Variants in LINGO2 observed in about 807,000 individuals in gnomAD.
The protein encoded by LINGO2 is leucine rich repeat and Ig domain containing 2.
Under a neutral mutation model 30.6 loss-of-function variants are expected in LINGO2, and 14 were observed. The ratio of observed to expected loss-of-function variants is 0.46; its 90% confidence interval spans 0.30 to 0.72. LINGO2 has a LOEUF of 0.72. LINGO2 is among the 30% of genes least tolerant of loss of function. The pLI is 0.07. For missense variants in LINGO2, 729 were observed against 751.7 expected, an observed-to-expected ratio of 0.97 and a Z score of 0.35; for synonymous variants, 317 against 288.5, an observed-to-expected ratio of 1.10 and a Z score of -1.00.
intron 4 of LINGO2, among the ~76,000 whole-genome samples, chr9:28,110,670 T>C (rs1386848581): frequency 6.6e-6 from 1 of 152,018 alleles, no homozygotes; most frequent in East Asian, 1.9e-4. Context: ...GAAATGCAAA[T>C]CAAAAACACA....
chr9:28,676,533 GTTC>G, the LINGO2 span, among the ~76,000 whole-genome samples: 5 of 152,098 alleles, frequency 3.3e-5, no homozygotes, highest in Admixed American at 6.5e-5. Context: ...CATACAGCCT[GTTC>G]TTCAATAAAT....
At chr9:29,190,434 T>C in the LINGO2 span, among the ~76,000 whole-genome samples, 1 of 152,176 alleles carries the variant, frequency 6.6e-6, no homozygotes, top group Non-Finnish European at 1.5e-5. Context: ...AACATATCCT[T>C]ATGGTTCATA....
chr9:28,989,422 C>A, the LINGO2 span, among the ~76,000 whole-genome samples: 2 of 152,222 alleles, frequency 1.3e-5, no homozygotes, highest in Non-Finnish European at 2.9e-5. Flanking sequence ...TTTACATTCA[C>A]TGCAGAACTG....
At chr9:27,985,547 G>T (rs1821083549) in intron 5 of LINGO2, among the ~76,000 whole-genome samples, 1 of 146,202 alleles carries the variant, frequency 6.8e-6, no homozygotes, top group African/African-American at 2.6e-5. Context: ...TGTGATTTGA[G>T]GATAATTTTT....
At chr9:28,309,349 G>A (rs1034077788) in intron 3 of LINGO2, among the ~76,000 whole-genome samples, 13 of 150,694 alleles carry the variant, frequency 8.6e-5, no homozygotes, top group South Asian at 2.1e-4. Flanking sequence ...ACCAAACACC[G>A]CATATTCTCA....
In LINGO2 at chr9:27,965,700, A is replaced by T. The variant is rs372026509; in HGVS notation, c.-35-14994T>A. On this transcript the variant is annotated intron_variant, in intron 5 of 5. Coordinates refer to ENST00000379992, the Ensembl canonical transcript of LINGO2. ...ATTATTTGCTCTTCTACAGTTCTGA[A>T]TCTCCTTTTGGCCTACATAGAAATA... Among the ~76,000 whole-genome samples the T allele has an allele frequency of 4.2e-4, 64 of 152,006 alleles. 1 individual carries two copies. In the South Asian group the frequency reaches 0.013, roughly 32 times the overall value.
Position 28,325,799 on chromosome 9 carries a change from T to A in LINGO2, c.-245-30433A>T, listed in dbSNP as rs1033900271. Among the ~76,000 whole-genome samples, 5 of 152,132 alleles carry A rather than the reference T, an allele frequency of 3.3e-5. No homozygotes were observed. In the East Asian group the frequency reaches 7.7e-4, roughly 24 times the overall value. Reference sequence around the variant, plus strand: ...GGCAGTGTGAAAATGAACTAATACATGGTCTAATCACATTGATTAAACTCT... The same window carrying A: ...GGCAGTGTGAAAATGAACTAATACAAGGTCTAATCACATTGATTAAACTCT... On this transcript the variant is annotated intron_variant, in intron 3 of 5. Coordinates refer to ENST00000379992, the Ensembl canonical transcript of LINGO2.
chr9:28,252,515 G>A (rs1052833863), intron 4 of LINGO2, among the ~76,000 whole-genome samples: 1 of 152,018 alleles, frequency 6.6e-6, no homozygotes, highest in Non-Finnish European at 1.5e-5. Context: ...AGGAACCATG[G>A]TTGAGAGAAT....
chr9:28,991,419 G>A, the LINGO2 span, among the ~76,000 whole-genome samples: 2 of 150,330 alleles, frequency 1.3e-5, no homozygotes, highest in Non-Finnish European at 3.0e-5. Flanking sequence ...GGGGAGAATG[G>A]AACCAAGTTG....
the LINGO2 span, among the ~76,000 whole-genome samples, chr9:28,941,720 G>A: frequency 1.3e-5 from 2 of 152,034 alleles, no homozygotes; most frequent in Non-Finnish European, 2.9e-5. Context: ...ATTTTTGTGT[G>A]TATAATTTTA....
intron 3 of LINGO2, among the ~76,000 whole-genome samples, chr9:28,360,648 A>G (rs1820403707): frequency 2.6e-5 from 4 of 152,318 alleles, no homozygotes; most frequent in South Asian, 4.1e-4. Context: ...GTACCAAACC[A>G]TGTATATGCC....
chr9:28,519,958 G>A (rs1471836679), intron 1 of LINGO2, among the ~76,000 whole-genome samples: 3 of 151,942 alleles, frequency 2.0e-5, no homozygotes, highest in South Asian at 2.1e-4. Flanking sequence ...TGAGGGTTAA[G>A]GTTAATTTTC....
At chr9:28,333,589 T>G (rs7859215) in intron 3 of LINGO2, among the ~76,000 whole-genome samples, 1 of 152,286 alleles carries the variant, frequency 6.6e-6, no homozygotes, top group African/African-American at 2.4e-5. Context: ...AAAATGTACA[T>G]TGTTATTCAG....
At chr9:29,055,525 A>G in the LINGO2 span, among the ~76,000 whole-genome samples, 1 of 152,168 alleles carries the variant, frequency 6.6e-6, no homozygotes, top group Non-Finnish European at 1.5e-5. Flanking sequence ...AAGTCTGAAT[A>G]TCTCTTCAGG....
chr9:28,493,699 G>T (rs575063980), intron 1 of LINGO2, among the ~76,000 whole-genome samples: 1 of 152,170 alleles, frequency 6.6e-6, no homozygotes, highest in Non-Finnish European at 1.5e-5. Flanking sequence ...GTCTGTGAGG[G>T]TGTTGCCAAA....
the LINGO2 span, among the ~76,000 whole-genome samples, chr9:29,103,073 C>T: frequency 6.6e-6 from 1 of 152,252 alleles, no homozygotes; most frequent in Admixed American, 6.5e-5. Context: ...AAATGAATTT[C>T]TATATAGAAA....
intron 3 of LINGO2, among the ~76,000 whole-genome samples, chr9:28,325,320 A>G (rs944080238): frequency 6.6e-6 from 1 of 152,146 alleles, no homozygotes; most frequent in African/African-American, 2.4e-5. Flanking sequence ...TTAAGGACCT[A>G]GGAGTCATAC....
chr9:28,447,533 G>A (rs1824473895), intron 2 of LINGO2, among the ~76,000 whole-genome samples: 1 of 152,132 alleles, frequency 6.6e-6, no homozygotes, highest in Non-Finnish European at 1.5e-5. Context: ...TAGCAGCCCA[G>A]GTGGACTAAG....
chr9:28,982,777 T>C, the LINGO2 span, among the ~76,000 whole-genome samples: 22 of 152,028 alleles, frequency 1.4e-4, no homozygotes, highest in Non-Finnish European at 2.9e-4. Context: ...ATAATAAGCA[T>C]TATAATATCT....
Sources: allele counts gnomAD v4.1 joint callset (sites outside exome capture counted in the v4.1 genomes callset), GRCh38; gene constraint gnomAD v4.1.1; transcripts MANE v1.5; gene names NCBI Gene and HGNC (gene_info 2026-07-23, HGNC 2026-07-21).